CELF1: variants seen among roughly 807,000 people sequenced by gnomAD.
CELF1 encodes CUGBP Elav-like family member 1, also known as 50 kDa nuclear polyadenylated RNA-binding protein.
Under a neutral mutation model 61.8 loss-of-function variants are expected in CELF1, and 10 were observed. The observed-to-expected ratio is 0.16, with a 90% CI of 0.10 to 0.27. CELF1 has a LOEUF of 0.27. CELF1 is among the 10% of genes least tolerant of loss of function. The pLI is 1.00. For synonymous variants in CELF1, 236 were observed against 225.1 expected (o/e 1.05, Z -0.43); for missense variants, 380 against 639.1 (o/e 0.59, Z 4.37).
chr11:47,527,758 T>C (rs977772514), intron 1 of CELF1, among the ~76,000 whole-genome samples: 37 of 152,178 alleles, frequency 2.4e-4, no homozygotes, highest in African/African-American at 8.4e-4. Context: ...ATTACCTGTA[T>C]GTTCTCTACT....
intron 1 of CELF1, among the ~76,000 whole-genome samples, chr11:47,507,337 C>T (rs1222791562): frequency 6.6e-6 from 1 of 152,088 alleles, no homozygotes; most frequent in Non-Finnish European, 1.5e-5. Context: ...AGAGACCACA[C>T]TATTTCCCCA....
intron 1 of CELF1, among the ~76,000 whole-genome samples, chr11:47,513,350 A>G (rs913546821): frequency 2.6e-5 from 4 of 152,250 alleles, no homozygotes; most frequent in African/African-American, 9.6e-5. Flanking sequence ...TGTAATTTGT[A>G]AAGTTTCTAT....
chr11:47,510,604 G>C (rs998693686), intron 1 of CELF1, among the ~76,000 whole-genome samples: 39 of 151,740 alleles, frequency 2.6e-4, no homozygotes, highest in African/African-American at 9.0e-4. Context: ...CTCCCACCAC[G>C]GCTTCCCAAG....
intron 1 of CELF1, among the ~76,000 whole-genome samples, chr11:47,510,529 C>T (rs2095045411): frequency 6.6e-6 from 1 of 152,160 alleles, no homozygotes; most frequent in Non-Finnish European, 1.5e-5. Context: ...CTCTGTTGCC[C>T]AGGCTGGAAT....
chr11:47,482,704 C>A lies in CELF1; in HGVS notation c.759G>T (p.Gln253His), dbSNP rs1358381013. 1 of 1,613,500 alleles carries A rather than the reference C, an allele frequency of 6.2e-7. No individual in the cohort carries two copies. The highest frequency in any genetic ancestry group is 1.7e-5 in the Admixed American group (1 of 59,996). ...AACCACAAAGACTCACTGCTAAATA[C>A]TGGGGTCCAAGAGTATTTAGACCAG... Reference protein sequence around the residue: ...NLAGLNTLGPQYLALYLQLLQ... With the variant: ...NLAGLNTLGPHYLALYLQLLQ... Residue 253 changes from glutamine (Q) to histidine (H), a missense_variant, in exon 9 of 15, where the codon CAG becomes CAT. Physicochemically the swap from Gln to His is conservative, Grantham distance 24. Transcript: ENST00000687097.
chr11:47,521,169 G>A (rs557245134), intron 1 of CELF1, among the ~76,000 whole-genome samples: 29 of 151,876 alleles, frequency 1.9e-4, no homozygotes, highest in Admixed American at 7.2e-4. Context: ...GGAGAATGGC[G>A]TGAACCTGGG....
At chr11:47,546,725 G>A (rs1330856046) in intron 1 of CELF1, among the ~76,000 whole-genome samples, 1 of 152,068 alleles carries the variant, frequency 6.6e-6, no homozygotes, top group African/African-American at 2.4e-5. Flanking sequence ...GCAGGAACTT[G>A]TCAATTCTTA....
At chr11:47,536,144 G>A (rs1565898796) in intron 1 of CELF1, among the ~76,000 whole-genome samples, 1 of 151,998 alleles carries the variant, frequency 6.6e-6, no homozygotes, top group Non-Finnish European at 1.5e-5. Context: ...TGAGGCAGGT[G>A]AATCACTTGA....
chr11:47,534,022 C>CTTTTTTTTTTTTTT (rs71042679), intron 1 of CELF1, among the ~76,000 whole-genome samples: 3 of 87,608 alleles, frequency 3.4e-5, no homozygotes, highest in Admixed American at 1.6e-4. Flanking sequence ...TTTTTCTTTC[C>CTTTTTTTTTTTTTT]TTTTTTTTTT....
intron 1 of CELF1, among the ~76,000 whole-genome samples, chr11:47,517,314 GAAATATAGTTTAC>G (rs1313533472): frequency 6.8e-6 from 1 of 147,066 alleles, no homozygotes; most frequent in African/African-American, 2.5e-5. Context: ...CCCAGTTCTA[GAAATATAGTTTAC>G]AAATAATCTT....
chr11:47,511,340 G>T (rs1007911856), intron 1 of CELF1, among the ~76,000 whole-genome samples: 1 of 152,262 alleles, frequency 6.6e-6, no homozygotes, highest in Non-Finnish European at 1.5e-5. Flanking sequence ...AGTCTCTCTT[G>T]GCCCTCAGGA....
At position 47,499,181 on chromosome 11, in the gene CELF1, A is replaced by T. The variant is rs1354750208; in HGVS notation, c.71+272T>A. ...AATCTATCATATAGGAAAACACTAC[A>T]GCTTAAAGGAATTGGAGCTAGCACA... On this transcript the variant is annotated intron_variant, in intron 3 of 14. Coordinates refer to ENST00000687097, the MANE Select transcript of CELF1 (RefSeq NM_001376376.1). 3.3e-5 allele frequency among the ~76,000 whole-genome samples: 5 copies of T among 152,360 alleles called. No individual in the cohort carries two copies. The East Asian group carries it at 9.6e-4, about 29-fold the overall frequency.
At position 47,525,390 on chromosome 11, in the gene CELF1, CCAA is replaced by C. The variant is rs561854859; in HGVS notation, c.-153-24461_-153-24459del. On this transcript the variant is annotated intron_variant, in intron 1 of 14. Transcript: ENST00000687097. ...TTAATTGCTGACCAGAGTGAATTTT[CCAA>C]CAATAAGAAATGCATGGCTGATTGG... Among the ~76,000 whole-genome samples, 16 of 152,274 alleles carry C rather than the reference CCAA, an allele frequency of 1.1e-4. No individual in the cohort carries two copies. The East Asian group carries it at 3.1e-3, about 29-fold the overall frequency.
intron 1 of CELF1, among the ~76,000 whole-genome samples, chr11:47,564,973 G>A (rs2097240127): frequency 6.6e-6 from 1 of 152,122 alleles, no homozygotes; most frequent in African/African-American, 2.4e-5. Flanking sequence ...GAAGGAGGGA[G>A]CCCTGCCCTA....
At chr11:47,481,644 G>C (rs1462142326) in intron 9 of CELF1, among the ~76,000 whole-genome samples, 1 of 152,102 alleles carries the variant, frequency 6.6e-6, no homozygotes, top group South Asian at 2.1e-4. Context: ...AATAGCCTAA[G>C]ATGACCTTTT....
intron 1 of CELF1, among the ~76,000 whole-genome samples, chr11:47,550,384 C>T (rs1434207394): frequency 6.6e-6 from 1 of 152,022 alleles, no homozygotes; most frequent in Non-Finnish European, 1.5e-5. Context: ...TACAAAAACC[C>T]TCTGGGCGCA....
intron 1 of CELF1, chr11:47,524,516 C>T (rs1434341029): frequency 5.3e-5 from 8 of 152,330 alleles, no homozygotes; most frequent in African/African-American, 1.9e-4. Flanking sequence ...CAAAGACAAA[C>T]GAGTCACCTC....
Position 47,482,749 on chromosome 11 carries a change from T to C in CELF1, c.714A>G (p.Ala238=), listed in dbSNP as rs1252162056. 5 of 1,614,074 alleles carry C rather than the reference T, an allele frequency of 3.1e-6. No individual in the cohort carries two copies. Among genetic ancestry groups the C allele is most frequent in the Non-Finnish European group, 4.2e-6 (5 of 1,180,032 alleles). ...LQQQMQQISA[A]SVWGNLAGLN... is the part of the protein sequence containing the mutation. ...GACCAGCAAGGTTTCCCCACACAGATGCTGCGCTGATTTGCTGCATCTGCT... is the reference window on the plus strand; with the variant it reads ...GACCAGCAAGGTTTCCCCACACAGACGCTGCGCTGATTTGCTGCATCTGCT... Residue 238 remains alanine, a synonymous_variant, in exon 9 of 15, where the codon GCA becomes GCG. Transcript: ENST00000687097.
chr11:47,499,000 T>C (rs991009300), intron 3 of CELF1, among the ~76,000 whole-genome samples: 2 of 152,142 alleles, frequency 1.3e-5, no homozygotes, highest in Non-Finnish European at 2.9e-5. Context: ...TAGATGATAC[T>C]AAACACACTG....
Sources: allele counts gnomAD v4.1 joint callset (sites outside exome capture counted in the v4.1 genomes callset), GRCh38; gene constraint gnomAD v4.1.1; transcripts MANE v1.5; gene names NCBI Gene and HGNC (gene_info 2026-07-23, HGNC 2026-07-21).